The following MARF1 variants were observed in gnomAD, a reference collection of about 807,000 sequenced individuals.
The protein encoded by MARF1 is limkain-b1.
Under a neutral mutation model 168.2 loss-of-function variants are expected in MARF1, and 24 were observed. The ratio of observed to expected loss-of-function variants is 0.14; its 90% CI spans 0.10 to 0.20. The LOEUF (loss-of-function observed/expected upper bound fraction) is 0.20, where lower values mean the gene tolerates loss of function less well. Among genes scored for constraint, MARF1 ranks in the 10% least tolerant of loss-of-function variants. MARF1 has a pLI of 1.00. For synonymous variants in MARF1, 868 were observed against 822.4 expected, an observed-to-expected ratio of 1.06 and a Z score of -0.95; for missense variants, 1,744 against 2,143.6, an observed-to-expected ratio of 0.81 and a Z score of 3.68.
rs146424212 is a variant in MARF1, at chr16:15,632,412, T to A, written c.1234-914A>T. The stretch of plus-strand genomic sequence containing the variant: ...GGCTTTTAGCAGCTGGAAGCCATAG[T>A]TTTTAGTTTCCGTCCCTACTAATAA... On this transcript the variant is annotated intron_variant, in intron 5 of 26. Coordinates refer to ENST00000396368, the MANE Select transcript of MARF1 (RefSeq NM_014647.4). Among the ~76,000 whole-genome samples, 116 of 152,306 alleles carry A rather than the reference T, an allele frequency of 7.6e-4. No homozygotes were observed. In the South Asian group the frequency reaches 9.1e-3, roughly 12 times the overall value.
rs2035588640 is a variant in MARF1 at position 15,636,219 on chromosome 16, T to C, written c.268A>G (p.Lys90Glu). Residue 90 changes from lysine (K) to glutamate (E), a missense_variant, in exon 3 of 27, where the codon AAA (lysine) becomes GAA (glutamate). Around this residue, in one of 7 missense-constraint regions of MARF1, gnomAD observed 318 missense variants for 336.6 expected, o/e 0.94. Coordinates refer to ENST00000396368, the MANE Select transcript of MARF1 (RefSeq NM_014647.4). ...TTGGGGACAGAAGAAAGCTGTATTTTAGGCTGCTGAAGAGAACGAATATCA... is the reference window on the plus strand; with the variant it reads ...TTGGGGACAGAAGAAAGCTGTATTTCAGGCTGCTGAAGAGAACGAATATCA... Reference protein sequence around the residue: ...LPDIRSLQQPKIQLSSVPKVS... With the variant: ...LPDIRSLQQPEIQLSSVPKVS... 13 of 1,614,228 alleles carry C rather than the reference T, an allele frequency of 8.1e-6. No individual in the cohort carries two copies. Among genetic ancestry groups the C allele is most frequent in the Non-Finnish European group, 1.0e-5 (12 of 1,180,044 alleles).
chr16:15,600,605 A>G (rs757715905), intron 24 of MARF1, 36 bp downstream of exon 24: 4 of 1,614,036 alleles, frequency 2.5e-6, no homozygotes, highest in Non-Finnish European at 8.5e-7. Context: ...GAGAACCGTG[A>G]TTTTTTAAGG....
rs1447858382 is a variant in MARF1, at chr16:15,617,414, A to C, written c.2842T>G (p.Leu948Val). Residue 948 changes from leucine to valine, a missense_variant, in exon 14 of 27, where the codon TTG (leucine) becomes GTG (valine). Around this residue, in one of 7 missense-constraint regions of MARF1, gnomAD observed 543 missense variants for 742.1 expected, o/e 0.73. Coordinates refer to ENST00000396368, the MANE Select transcript of MARF1 (RefSeq NM_014647.4). ...LPSSQARQSP[L>V]GSSQSHDGSS... ...CCGTCGTGTGACTGGGAAGACCCCAAGGGGCTCTGGCGGGCCTGACTGCTG... is the reference window on the plus strand; with the variant it reads ...CCGTCGTGTGACTGGGAAGACCCCACGGGGCTCTGGCGGGCCTGACTGCTG... 1 of 1,613,958 alleles carries C rather than the reference A, an allele frequency of 6.2e-7. No individual in the cohort carries two copies. The highest frequency in any genetic ancestry group is 1.3e-5 in the African/African-American group (1 of 74,880).
At chr16:15,629,591 C>T (rs1036960661) in intron 7 of MARF1, among the ~76,000 whole-genome samples, 7 of 152,212 alleles carry the variant, frequency 4.6e-5, no homozygotes, top group Non-Finnish European at 7.3e-5. Context: ...TTTCATTTAA[C>T]GTATGGGATT....
Position 15,622,920 on chromosome 16 carries a change from A to C in MARF1, c.2460+14T>G. 1 of 1,565,948 alleles carries C rather than the reference A, an allele frequency of 6.4e-7. No individual in the cohort carries two copies. Among genetic ancestry groups the C allele is most frequent in the Non-Finnish European group, 8.7e-7 (1 of 1,147,426 alleles). On this transcript the variant is annotated intron_variant, in intron 11 of 26. Coordinates refer to ENST00000396368, the MANE Select transcript of MARF1 (RefSeq NM_014647.4). ...GAGAGTATAACAAAGCAAGCACAAG[A>C]GGGAAAAAGTTACCTTGCCATGCCT...
At chr16:15,627,246 G>A (rs1567574733) in intron 7 of MARF1, among the ~76,000 whole-genome samples, 1 of 152,066 alleles carries the variant, frequency 6.6e-6, no homozygotes, top group Non-Finnish European at 1.5e-5. Context: ...CCAGTACTTA[G>A]GGATGCTGGG....
intron 21 of MARF1, among the ~76,000 whole-genome samples, chr16:15,607,677 C>A (rs2033132949): frequency 6.6e-6 from 1 of 152,210 alleles, no homozygotes; most frequent in South Asian, 2.1e-4. Flanking sequence ...TTCATGCTTC[C>A]CTTTCCATTC....
chr16:15,613,639 G>T (rs938877617), intron 16 of MARF1, among the ~76,000 whole-genome samples: 1 of 118,416 alleles, frequency 8.4e-6, no homozygotes, highest in Non-Finnish European at 1.9e-5. Flanking sequence ...TCCAGCCTGG[G>T]ACACAGAGCG....
At chr16:15,614,342 G>C (rs919049750) in intron 16 of MARF1, among the ~76,000 whole-genome samples, 5 of 150,064 alleles carry the variant, frequency 3.3e-5, no homozygotes, top group African/African-American at 1.2e-4. Flanking sequence ...AAATAGCCGG[G>C]CGTGGTGGCA....
intron 26 of MARF1, 146 bp downstream of exon 26, chr16:15,598,708 G>C (rs968838108): frequency 2.4e-6 from 2 of 831,850 alleles, no homozygotes; most frequent in African/African-American, 3.4e-5. Context: ...CCCAGGTGGG[G>C]AAAGAAGGTC....
rs113752414 is a variant in MARF1 at position 15,608,274 on chromosome 16, A to C, written c.4182+17T>G. The stretch of plus-strand genomic sequence containing the variant: ...ATCCCATGAGGGAAAAAAAAAAAAA[A>C]AAAAAAAAACATTTACCTTCACGAC... On this transcript the variant is annotated intron_variant, in intron 21 of 26. Transcript: ENST00000396368. 2.4e-5 allele frequency: 35 copies of C among 1,457,812 alleles called. No homozygotes were observed. Among genetic ancestry groups the C allele is most frequent in the African/African-American group, 1.9e-4 (13 of 70,096 alleles). 90.3% of individuals were successfully genotyped at this position (1,457,812 alleles called of 1,614,324 possible).
chr16:15,641,952 T>A (rs2036004193), intron 1 of MARF1, among the ~76,000 whole-genome samples: 1 of 152,244 alleles, frequency 6.6e-6, no homozygotes, highest in Non-Finnish European at 1.5e-5. Flanking sequence ...TCAAGTCTTT[T>A]GACCAATTCA....
At chr16:15,642,446 G>T (rs914453185) in intron 1 of MARF1, 3 of 152,198 alleles carry the variant, frequency 2.0e-5, no homozygotes, top group African/African-American at 7.2e-5. Context: ...ATGCAAAAGA[G>T]AAGAATATTT....
chr16:15,639,074 T>G lies in MARF1; in HGVS notation c.144+16A>C. 1 of 1,610,106 alleles carries G rather than the reference T, an allele frequency of 6.2e-7. No individual in the cohort carries two copies. Among genetic ancestry groups the G allele is most frequent in the East Asian group, 2.2e-5 (1 of 44,840 alleles). On this transcript the variant is annotated intron_variant, in intron 2 of 26. Transcript: ENST00000396368. ...GATGAGGAATCTGCTACATCCTTAG[T>G]CTTGCATATAGTTACCGTTTGGGGA...
intron 12 of MARF1, among the ~76,000 whole-genome samples, chr16:15,621,105 CA>C (rs138653036): frequency 0.14 from 19,879 of 146,610 alleles, 1,755 homozygotes; most frequent in Non-Finnish European, 0.19. Context: ...AGAACAACAA[CA>C]AAAAAAAAAC....
At chr16:15,617,596 C>T (rs1161747794) in intron 13 of MARF1, 61 bp from the exon 14 acceptor site, 12 of 1,086,328 alleles carry the variant, frequency 1.1e-5, no homozygotes, top group Admixed American at 4.2e-5. Flanking sequence ...TACAGAAACA[C>T]GCATCCTGTT....
Position 15,598,944 on chromosome 16 carries a change from A to C in MARF1, c.4894T>G (p.Cys1632Gly). 6.2e-7 allele frequency: 1 copy of C among 1,613,760 alleles called. No homozygotes were observed. Among genetic ancestry groups the C allele is most frequent in the African/African-American group, 1.3e-5 (1 of 74,940 alleles). The change falls in exon 26 of 27, where the codon TGC (cysteine) becomes GGC (glycine). Residue 1632 changes from cysteine to glycine, a missense_variant. By Grantham distance (159) the Cys-to-Gly change is radical. Transcript: ENST00000396368. ...VDLLCAPVPS[C>G]LPSPQLRPDP... ...GGTCTCAGCTGAGGGGACGGCAGGC[A>C]CGAGGGGACAGGCGCACACAGGAGG... is the stretch of plus-strand genomic sequence containing the variant.
chr16:15,631,259 A>G (rs538974402), intron 6 of MARF1, 122 bp downstream of exon 6: 6 of 641,430 alleles, frequency 9.4e-6, no homozygotes, highest in African/African-American at 1.8e-5. Flanking sequence ...CAATAACCAT[A>G]AACATGTCTC....
chr16:15,606,339 C>T (rs376982342), intron 21 of MARF1, among the ~76,000 whole-genome samples: 2 of 152,276 alleles, frequency 1.3e-5, no homozygotes, highest in East Asian at 3.9e-4. Flanking sequence ...AAACTCCCAC[C>T]TTGAATCCAA....
Sources: gnomAD v4.1 joint callset for allele counts (sites outside exome capture counted in the v4.1 genomes callset) on GRCh38, gnomAD v4.1.1 for gene constraint, gnomAD v4.1.1 regional missense constraint, MANE v1.5 for transcripts, NCBI Gene and HGNC (gene_info 2026-07-23, HGNC 2026-07-21) for gene names.